The following POMK variants were observed in gnomAD, a reference collection of about 807,000 sequenced individuals.
The protein encoded by POMK is protein O-mannose kinase.
A neutral mutation model predicts 23.0 loss-of-function variants in POMK; 19 were observed. The ratio of observed to expected loss-of-function variants is 0.83; its 90% CI spans 0.58 to 1.21. POMK has a LOEUF of 1.21. Among genes scored for constraint, POMK ranks in the 50% most tolerant of loss-of-function variants. The probability of loss-of-function intolerance (pLI) is 0.00; values close to 1 mark genes in which losing one functional copy is unlikely to be tolerated. For missense variants in POMK, 410 were observed against 431.3 expected (o/e 0.95, Z 0.44); for synonymous variants, 173 against 171.6 (o/e 1.01, Z -0.06).
intron 4 of POMK, among the ~76,000 whole-genome samples, chr8:43,114,974 G>A (rs1285081667): frequency 6.6e-6 from 1 of 152,056 alleles, no homozygotes; most frequent in Non-Finnish European, 1.5e-5. Flanking sequence ...CTTATTGAAG[G>A]GCCTGTTGTA....
rs1025837816 is a variant in POMK, at chr8:43,106,381, T to C, written c.282+2551T>C. Among the ~76,000 whole-genome samples the C allele has an allele frequency of 2.6e-5, 4 of 152,212 alleles. No homozygotes were observed. The South Asian group carries it at 6.2e-4, about 24-fold the overall frequency. On this transcript the variant is annotated intron_variant, in intron 4 of 4. Coordinates refer to ENST00000331373, the MANE Select transcript of POMK (RefSeq NM_032237.5). ...TGAGATGTTTGAGTTCCTTGGATATTGATCCCTTGTTAGATGAATAGCTTG... is the reference window on the plus strand; with the variant it reads ...TGAGATGTTTGAGTTCCTTGGATATCGATCCCTTGTTAGATGAATAGCTTG...
chr8:43,103,421 T>A lies in POMK; in HGVS notation c.-21-107T>A. 2.9e-6 allele frequency: 3 copies of A among 1,031,838 alleles called. No homozygotes were observed. In the South Asian group the frequency reaches 4.4e-5, roughly 15 times the overall value. The allele number at this position is 1,031,838 out of a possible 1,614,324, so 63.9% of individuals were successfully genotyped here. A position where few individuals can be genotyped will look rare whatever the true frequency, so the allele number is the denominator to read the frequency against. On this transcript the variant is annotated intron_variant, in intron 3 of 4. Coordinates refer to ENST00000331373, the MANE Select transcript of POMK (RefSeq NM_032237.5). ...CCTGCTTTAATCCCCACGGTAACGCTGCAGCTTACAGGACCCTTGAGTAGA... is the reference window on the plus strand; with the variant it reads ...CCTGCTTTAATCCCCACGGTAACGCAGCAGCTTACAGGACCCTTGAGTAGA...
chr8:43,108,774 A>G (rs1316827022), intron 4 of POMK, among the ~76,000 whole-genome samples: 1 of 152,244 alleles, frequency 6.6e-6, no homozygotes, highest in Admixed American at 6.5e-5. Flanking sequence ...TTATAAAACC[A>G]TCTTCTAAAG....
intron 4 of POMK, among the ~76,000 whole-genome samples, chr8:43,108,591 G>A (rs573456285): frequency 2.0e-5 from 3 of 152,218 alleles, no homozygotes; most frequent in Admixed American, 6.5e-5. Context: ...AAACAAAAAG[G>A]TTACTTCAGA....
intron 4 of POMK, among the ~76,000 whole-genome samples, chr8:43,112,064 G>A (rs561316260): frequency 1.8e-4 from 27 of 152,134 alleles, no homozygotes; most frequent in African/African-American, 4.6e-4. Context: ...AAAACTGGAC[G>A]GAGAATGACT....
At chr8:43,104,044 A>G (rs2130602024) in intron 4 of POMK, among the ~76,000 whole-genome samples, 1 of 152,278 alleles carries the variant, frequency 6.6e-6, no homozygotes, top group South Asian at 2.1e-4. Context: ...TTCAGCCCTT[A>G]GGGAAGCAGT....
chr8:43,099,533 A>G (rs754775013), intron 2 of POMK, among the ~76,000 whole-genome samples: 1 of 152,230 alleles, frequency 6.6e-6, no homozygotes. Flanking sequence ...GAAACCAATT[A>G]TATAAGGCGT....
chr8:43,099,635 G>A (rs1225450915), intron 2 of POMK, among the ~76,000 whole-genome samples: 1 of 152,234 alleles, frequency 6.6e-6, no homozygotes, highest in Non-Finnish European at 1.5e-5. Flanking sequence ...GTGATGTGGA[G>A]GCCACCTGTG....
chr8:43,101,909 T>G (rs1021812528), intron 2 of POMK, among the ~76,000 whole-genome samples: 1 of 152,178 alleles, frequency 6.6e-6, no homozygotes, highest in Non-Finnish European at 1.5e-5. Flanking sequence ...GTCCCAGCTC[T>G]GTATATGGGA....
intron 1 of POMK, among the ~76,000 whole-genome samples, chr8:43,094,895 CCT>C (rs1292005488): frequency 6.6e-6 from 1 of 152,152 alleles, no homozygotes; most frequent in Non-Finnish European, 1.5e-5. Context: ...CATCTTTATT[CCT>C]TAATGTGCAG....
At chr8:43,121,789 G>A (rs1375970334) in intron 4 of POMK, among the ~76,000 whole-genome samples, 3 of 152,226 alleles carry the variant, frequency 2.0e-5, no homozygotes, top group South Asian at 4.1e-4. Context: ...TGAATCTGCA[G>A]GTCCCCCTCG....
intron 2 of POMK, among the ~76,000 whole-genome samples, chr8:43,101,819 G>GT (rs1230963123): frequency 6.6e-6 from 1 of 152,202 alleles, no homozygotes; most frequent in Non-Finnish European, 1.5e-5. Context: ...TCCAAAGGGG[G>GT]TTTTTGACAC....
intron 4 of POMK, among the ~76,000 whole-genome samples, chr8:43,111,911 A>T (rs1376815346): frequency 6.6e-6 from 1 of 152,234 alleles, no homozygotes; most frequent in African/African-American, 2.4e-5. Flanking sequence ...CCAAAAACCC[A>T]TCTGTACGTC....
rs527847581 is a variant in POMK, at chr8:43,111,416, C to G, written c.282+7586C>G. 5.9e-5 allele frequency among the ~76,000 whole-genome samples: 9 copies of G among 152,354 alleles called. 1 individual carries two copies. In the South Asian group the frequency reaches 1.9e-3, roughly 32 times the overall value. On this transcript the variant is annotated intron_variant, in intron 4 of 4. Transcript: ENST00000331373. ...CTCAGGCTTGAGTAGGTAAACAAAGCAGCTGGGAAGCTCAAACTGGGTGGA... is the reference window on the plus strand; with the variant it reads ...CTCAGGCTTGAGTAGGTAAACAAAGGAGCTGGGAAGCTCAAACTGGGTGGA...
chr8:43,103,720 G>A lies in POMK; in HGVS notation c.172G>A (p.Gly58Ser). Residue 58 changes from glycine (G) to serine (S), a missense_variant, in exon 4 of 5, where the codon GGT (glycine) becomes AGT (serine). Transcript: ENST00000331373. ...TGTGGACCCCACACACTGTCCCTAT[G>A]GTCACTTCAGGATAGGACAGATGAA... The part of the protein sequence containing the change: ...STVDPTHCPY[G>S]HFRIGQMKNC... The A allele has an allele frequency of 3.1e-6, 5 of 1,614,154 alleles. No individual in the cohort carries two copies. The highest frequency in any genetic ancestry group is 4.2e-6 in the Non-Finnish European group (5 of 1,180,034).
intron 4 of POMK, among the ~76,000 whole-genome samples, chr8:43,113,585 T>C (rs1458470726): frequency 2.6e-5 from 4 of 152,194 alleles, no homozygotes; most frequent in Admixed American, 1.3e-4. Flanking sequence ...GTAGTTTGAT[T>C]GTCTGAAGCC....
At chr8:43,102,173 C>T (rs1485152879) in intron 2 of POMK, among the ~76,000 whole-genome samples, 1 of 152,230 alleles carries the variant, frequency 6.6e-6, no homozygotes, top group Non-Finnish European at 1.5e-5. Context: ...TAAGCTCCAG[C>T]AGGATAGGAA....
intron 1 of POMK, among the ~76,000 whole-genome samples, chr8:43,097,316 A>C (rs1035094290): frequency 7.9e-5 from 12 of 152,200 alleles, no homozygotes; most frequent in African/African-American, 2.9e-4. Flanking sequence ...GCACAGTTTG[A>C]GAATCTCTGA....
At chr8:43,121,185 C>T (rs574001700) in intron 4 of POMK, among the ~76,000 whole-genome samples, 1 of 152,336 alleles carries the variant, frequency 6.6e-6, no homozygotes, top group East Asian at 1.9e-4. Context: ...GCTTTGGAAA[C>T]CATAACCTTT....
Sources: gnomAD v4.1 joint callset for allele counts (sites outside exome capture counted in the v4.1 genomes callset) on GRCh38, gnomAD v4.1.1 for gene constraint, MANE v1.5 for transcripts, NCBI Gene and HGNC (gene_info 2026-07-23, HGNC 2026-07-21) for gene names.